The following CSMD3 variants were observed in gnomAD, a reference collection of about 807,000 sequenced individuals.
The protein encoded by CSMD3 is CUB and Sushi multiple domains 3.
A neutral mutation model predicts 435.2 loss-of-function variants in CSMD3; 177 were observed. That is an observed-to-expected ratio of 0.41 (90% CI 0.36 to 0.46). The LOEUF (loss-of-function observed/expected upper bound fraction) is 0.46, where lower values mean the gene tolerates loss of function less well. CSMD3 is among the 20% of genes least tolerant of loss of function. CSMD3 has a pLI of 0.34. For missense variants in CSMD3, 4,265 were observed against 4,504.6 expected, an observed-to-expected ratio of 0.95 and a Z score of 1.52; for synonymous variants, 1,656 against 1,520.5, an observed-to-expected ratio of 1.09 and a Z score of -2.07.
At chr8:112,864,963 T>C (rs989053246) in intron 10 of CSMD3, among the ~76,000 whole-genome samples, 2 of 152,202 alleles carry the variant, frequency 1.3e-5, no homozygotes, top group African/African-American at 4.8e-5. Flanking sequence ...TTAAAAGGGC[T>C]ACCCTATACA....
At chr8:113,351,277 T>C (rs2094188231) in intron 1 of CSMD3, among the ~76,000 whole-genome samples, 1 of 152,142 alleles carries the variant, frequency 6.6e-6, no homozygotes, top group Admixed American at 6.6e-5. Flanking sequence ...TGATGACTCC[T>C]TCATAACAAG....
intron 13 of CSMD3, among the ~76,000 whole-genome samples, chr8:112,737,524 T>G (rs1328230893): frequency 7.2e-5 from 11 of 151,940 alleles, no homozygotes; most frequent in Admixed American, 5.3e-4. Context: ...GAAAAAGTAC[T>G]GTGACTAGAG....
chr8:113,002,246 G>T (rs1312136102), intron 6 of CSMD3, among the ~76,000 whole-genome samples: 1 of 152,002 alleles, frequency 6.6e-6, no homozygotes, highest in Non-Finnish European at 1.5e-5. Flanking sequence ...GTAAAAACAA[G>T]CTTTGAATTT....
intron 45 of CSMD3, among the ~76,000 whole-genome samples, chr8:112,325,745 T>C (rs1360589450): frequency 1.3e-5 from 2 of 152,108 alleles, no homozygotes; most frequent in Non-Finnish European, 2.9e-5. Context: ...GGACATAGTC[T>C]AGACTCTTTG....
At chr8:112,230,727 C>A (rs1038687319) in intron 69 of CSMD3, among the ~76,000 whole-genome samples, 3 of 151,848 alleles carry the variant, frequency 2.0e-5, no homozygotes, top group African/African-American at 7.3e-5. Context: ...CAGGAGAATC[C>A]CTTGAACCTG....
chr8:112,897,205 G>A (rs78616161), intron 10 of CSMD3, among the ~76,000 whole-genome samples: 7 of 151,160 alleles, frequency 4.6e-5, no homozygotes, highest in Admixed American at 6.6e-5. Context: ...CTGCACTTAC[G>A]TATGCATGCA....
chr8:112,783,381 C>T (rs1268893252), intron 13 of CSMD3, among the ~76,000 whole-genome samples: 1 of 141,472 alleles, frequency 7.1e-6, no homozygotes, highest in Admixed American at 7.2e-5. Context: ...AAATCACCAG[C>T]ACATAAACGA....
chr8:112,645,064 A>G (rs562350882), intron 20 of CSMD3, 45 bp downstream of exon 20: 1 of 993,538 alleles, frequency 1.0e-6, no homozygotes, highest in South Asian at 1.3e-5. Flanking sequence ...AGACTCAATG[A>G]AAATTCAGAA....
intron 9 of CSMD3, among the ~76,000 whole-genome samples, chr8:112,923,167 T>C (rs773370088): frequency 1.4e-4 from 22 of 152,140 alleles, no homozygotes; most frequent in Non-Finnish European, 2.6e-4. Flanking sequence ...TCCTTCTTGC[T>C]ATGTTGTTAG....
intron 1 of CSMD3, among the ~76,000 whole-genome samples, chr8:113,433,518 CAGG>C (rs979888665): frequency 6.6e-6 from 1 of 152,236 alleles, no homozygotes; most frequent in African/African-American, 2.4e-5. Flanking sequence ...ACCTCTGTGG[CAGG>C]AGTAGTATCT....
At chr8:112,443,274 T>C (rs371743132) in intron 32 of CSMD3, among the ~76,000 whole-genome samples, 2 of 152,202 alleles carry the variant, frequency 1.3e-5, no homozygotes, top group Admixed American at 1.3e-4. Context: ...TTACAGGTAA[T>C]AAAACATACA....
chr8:112,336,118 C>T (rs1055158345), intron 44 of CSMD3, among the ~76,000 whole-genome samples: 7 of 151,932 alleles, frequency 4.6e-5, no homozygotes, highest in Non-Finnish European at 1.0e-4. Context: ...CTATGTTGCC[C>T]AGGCTGGTAT....
At chr8:113,226,490 T>G (rs538495939) in intron 3 of CSMD3, among the ~76,000 whole-genome samples, 1 of 151,624 alleles carries the variant, frequency 6.6e-6, no homozygotes, top group African/African-American at 2.4e-5. Flanking sequence ...AAGCAGATGT[T>G]TGACCTGGAG....
At position 113,100,813 on chromosome 8, in the gene CSMD3, T is replaced by C. The variant is rs552684534; in HGVS notation, c.710-1850A>G. Among the ~76,000 whole-genome samples, 5 of 152,226 alleles carry C rather than the reference T, an allele frequency of 3.3e-5. No homozygotes were observed. In the East Asian group the frequency reaches 9.6e-4, roughly 29 times the overall value. On this transcript the variant is annotated intron_variant, in intron 4 of 70. Coordinates refer to ENST00000297405, the MANE Select transcript of CSMD3 (RefSeq NM_198123.2). The stretch of plus-strand genomic sequence containing the variant: ...AACTTAAAAAATCACAATCCATCAA[T>C]TAATATATCCAGTCCTGGGTAACCA...
At chr8:112,677,774 T>C (rs2131756561) in intron 16 of CSMD3, among the ~76,000 whole-genome samples, 1 of 152,096 alleles carries the variant, frequency 6.6e-6, no homozygotes, top group Non-Finnish European at 1.5e-5. Context: ...CAAGAAACTT[T>C]CTCCTGAAAT....
chr8:112,556,573 T>C (rs1828137212), intron 25 of CSMD3, among the ~76,000 whole-genome samples, 190 bp downstream of exon 25: 1 of 152,008 alleles, frequency 6.6e-6, no homozygotes, highest in Non-Finnish European at 1.5e-5. Context: ...GGAGGAATAA[T>C]GAATAAAGTT....
intron 6 of CSMD3, among the ~76,000 whole-genome samples, chr8:112,979,822 G>A (rs1327020740): frequency 6.6e-6 from 1 of 150,900 alleles, no homozygotes; most frequent in Non-Finnish European, 1.5e-5. Context: ...TAAGTTACTT[G>A]AGAAAAATCT....
At chr8:112,394,825 A>G (rs886628355) in intron 35 of CSMD3, among the ~76,000 whole-genome samples, 3 of 152,330 alleles carry the variant, frequency 2.0e-5, no homozygotes, top group South Asian at 4.1e-4. Flanking sequence ...GCAAAATGTA[A>G]GGACAAAGAT....
At chr8:113,291,752 A>G (rs1292768199) in intron 2 of CSMD3, among the ~76,000 whole-genome samples, 2 of 151,938 alleles carry the variant, frequency 1.3e-5, no homozygotes, top group African/African-American at 2.4e-5. Context: ...TGAAATCATC[A>G]ATAAAGTCAG....
Sources: gnomAD v4.1 joint callset for allele counts (sites outside exome capture counted in the v4.1 genomes callset) on GRCh38, gnomAD v4.1.1 for gene constraint, MANE v1.5 for transcripts, NCBI Gene and HGNC (gene_info 2026-07-23, HGNC 2026-07-21) for gene names.